The following TXNRD1 variants were observed in gnomAD, a reference collection of about 807,000 sequenced individuals.
TXNRD1 encodes thioredoxin reductase 1.
TXNRD1 carries 57 observed loss-of-function variants against 80.3 expected under a neutral mutation model. That is an observed-to-expected ratio of 0.71 (90% CI 0.57 to 0.89). TXNRD1 has a LOEUF of 0.89. TXNRD1 is among the 40% of genes least tolerant of loss of function. The probability of loss-of-function intolerance (pLI) is 0.00; values close to 1 mark genes in which losing one functional copy is unlikely to be tolerated. For missense variants in TXNRD1, 730 were observed against 803.0 expected (o/e 0.91, Z 1.10); for synonymous variants, 291 against 285.2 (o/e 1.02, Z -0.20).
chr12:104,331,476 C>T (rs2035943733), intron 13 of TXNRD1, 58 bp from the exon 14 acceptor site: 4 of 1,157,106 alleles, frequency 3.5e-6, no homozygotes, highest in Non-Finnish European at 4.9e-6. Context: ...TTTTGAATAC[C>T]TTTTTTTTTA....
At chr12:104,268,382 G>C (rs1195891631) in intron 3 of TXNRD1, among the ~76,000 whole-genome samples, 1 of 150,790 alleles carries the variant, frequency 6.6e-6, no homozygotes, top group Non-Finnish European at 1.5e-5. Context: ...CATATTAGCC[G>C]GGCATGGTGG....
chr12:104,315,509 A>G (rs1233113773), intron 6 of TXNRD1, among the ~76,000 whole-genome samples: 1 of 152,198 alleles, frequency 6.6e-6, no homozygotes, highest in African/African-American at 2.4e-5. Flanking sequence ...ATCAGCAGTC[A>G]GTTAATTTTG....
intron 4 of TXNRD1, chr12:104,303,831 A>C (rs868123418): frequency 7.0e-7 from 1 of 1,431,340 alleles, no homozygotes; most frequent in Middle Eastern, 2.6e-4. Flanking sequence ...ATGTTGGTTG[A>C]AAAAGCTTCC....
chr12:104,282,175 A>T (rs1158460784), intron 3 of TXNRD1, among the ~76,000 whole-genome samples: 1 of 152,192 alleles, frequency 6.6e-6, no homozygotes, highest in Non-Finnish European at 1.5e-5. Context: ...CTCTTCAAGA[A>T]AGTTCTTTGG....
intron 3 of TXNRD1, among the ~76,000 whole-genome samples, chr12:104,262,876 C>A (rs1439454394): frequency 6.6e-6 from 1 of 151,818 alleles, no homozygotes; most frequent in Admixed American, 6.6e-5. Flanking sequence ...GAGTGAGTGC[C>A]CCATGAATTC....
chr12:104,304,725 T>C (rs1216566142), intron 4 of TXNRD1: 2 of 1,613,670 alleles, frequency 1.2e-6, no homozygotes, highest in Admixed American at 3.3e-5. Context: ...TATGTTTCTT[T>C]TATTGTAAGA....
chr12:104,335,109 TTAG>T (rs2036088797), intron 15 of TXNRD1, among the ~76,000 whole-genome samples: 1 of 152,158 alleles, frequency 6.6e-6, no homozygotes, highest in African/African-American at 2.4e-5. Flanking sequence ...TAAGTGCTTT[TTAG>T]TAGTCCTCCC....
At chr12:104,260,476 A>G (rs548175374) in intron 3 of TXNRD1, among the ~76,000 whole-genome samples, 3 of 24,912 alleles carry the variant, frequency 1.2e-4, no homozygotes, top group East Asian at 1.8e-3. Context: ...TCACAAAACA[A>G]ACAAAAAAAA....
chr12:104,258,234 T>C, intron 3 of TXNRD1, 155 bp downstream of exon 3: 1 of 592,148 alleles, frequency 1.7e-6, no homozygotes, highest in Non-Finnish European at 2.9e-6. Flanking sequence ...CAGGGTACTC[T>C]CCTGGAGCTA....
chr12:104,294,139 A>C lies in TXNRD1; in HGVS notation c.414+5099A>C, dbSNP rs1228320120. Among the ~76,000 whole-genome samples the C allele has an allele frequency of 2.3e-4, 34 of 149,992 alleles. 1 individual carries two copies. On this transcript the variant is annotated intron_variant, in intron 4 of 16. Coordinates refer to ENST00000525566, the MANE Select transcript of TXNRD1 (RefSeq NM_001093771.3). ...AGCACAGCATCACAGGGAGACGGTT[A>C]GGCCTCCGGATAACTGCGGGCGAGC...
intron 9 of TXNRD1, among the ~76,000 whole-genome samples, chr12:104,320,010 A>G (rs2035471616): frequency 6.6e-6 from 1 of 152,210 alleles, no homozygotes; most frequent in Non-Finnish European, 1.5e-5. Context: ...TGGCTGCTAA[A>G]AGAATTAGAG....
intron 4 of TXNRD1, chr12:104,304,582 G>A (rs1274285484): frequency 3.1e-6 from 5 of 1,613,942 alleles, no homozygotes; most frequent in African/African-American, 2.7e-5. Flanking sequence ...ATCCAGAAGC[G>A]ACAGAAAAAA....
At chr12:104,283,155 C>T (rs1244572163) in intron 3 of TXNRD1, among the ~76,000 whole-genome samples, 3 of 152,216 alleles carry the variant, frequency 2.0e-5, no homozygotes, top group East Asian at 1.9e-4. Flanking sequence ...AATCCATACA[C>T]AAGTGAAGTT....
intron 15 of TXNRD1, among the ~76,000 whole-genome samples, chr12:104,335,268 C>G (rs2036097411): frequency 7.0e-6 from 1 of 142,226 alleles, no homozygotes; most frequent in African/African-American, 2.7e-5. Flanking sequence ...GTGGCGTGAT[C>G]TTGGTTCACT....
At chr12:104,269,763 G>T (rs1052711453) in intron 3 of TXNRD1, among the ~76,000 whole-genome samples, 1 of 152,046 alleles carries the variant, frequency 6.6e-6, no homozygotes, top group Non-Finnish European at 1.5e-5. Flanking sequence ...TAGAGACAGG[G>T]TTTTATCATG....
chr12:104,221,260 C>T (rs2032350960), intron 1 of TXNRD1, among the ~76,000 whole-genome samples: 1 of 152,154 alleles, frequency 6.6e-6, no homozygotes, highest in South Asian at 2.1e-4. Flanking sequence ...GAGACCCTGT[C>T]TCAGAAAAAC....
intron 3 of TXNRD1, among the ~76,000 whole-genome samples, chr12:104,283,440 C>T (rs1241729881): frequency 6.6e-6 from 1 of 151,884 alleles, no homozygotes; most frequent in African/African-American, 2.4e-5. Context: ...TTAGTAGAGA[C>T]GGGGTTTCAC....
At chr12:104,254,149 C>G (rs2033188306) in intron 2 of TXNRD1, among the ~76,000 whole-genome samples, 1 of 152,004 alleles carries the variant, frequency 6.6e-6, no homozygotes, top group East Asian at 1.9e-4. Flanking sequence ...CACAGTTTCC[C>G]CATCTGTAAA....
chr12:104,308,521 T>A (rs1160217148), intron 4 of TXNRD1, among the ~76,000 whole-genome samples: 3 of 152,148 alleles, frequency 2.0e-5, no homozygotes, highest in Admixed American at 1.3e-4. Flanking sequence ...TTTTAATTTG[T>A]TAATGAATAT....
Sources: allele counts gnomAD v4.1 joint callset (sites outside exome capture counted in the v4.1 genomes callset), GRCh38; gene constraint gnomAD v4.1.1; transcripts MANE v1.5; gene names NCBI Gene and HGNC (gene_info 2026-07-23, HGNC 2026-07-21).